Variants in LONRF1 observed in about 807,000 individuals in gnomAD.
LONRF1 encodes the protein LON peptidase N-terminal domain and ring finger 1.
LONRF1 carries 37 observed loss-of-function variants against 85.8 expected under a neutral mutation model. That is an observed-to-expected ratio of 0.43 (90% CI 0.33 to 0.57). LONRF1 has a LOEUF of 0.57. LONRF1 is among the 20% of genes least tolerant of loss of function. The probability of loss-of-function intolerance (pLI) is 0.04; values close to 1 mark genes in which losing one functional copy is unlikely to be tolerated. For synonymous variants in LONRF1, 517 were observed against 390.1 expected (o/e 1.33, Z -3.83); for missense variants, 1,036 against 978.0 (o/e 1.06, Z -0.79).
chr8:12,755,443 C>A lies in LONRF1; in HGVS notation c.-23G>T, dbSNP rs773745338. 2.3e-5 allele frequency: 25 copies of A among 1,109,200 alleles called. No homozygotes were observed. In the South Asian group the frequency reaches 8.6e-4, roughly 38 times the overall value. The allele number at this position is 1,109,200 out of a possible 1,614,324, so 68.7% of individuals were successfully genotyped here. A position where few individuals can be genotyped will look rare whatever the true frequency, so the allele number is the denominator to read the frequency against. ...CATGGCCCGCGGAGGGCTGCGCCGCCGCCGCCCGCCGCCACGGTCCCGGAG... is the reference window on the plus strand; with the variant it reads ...CATGGCCCGCGGAGGGCTGCGCCGCAGCCGCCCGCCGCCACGGTCCCGGAG... On this transcript the variant is annotated 5_prime_UTR_variant, in exon 1 of 12. Transcript: ENST00000398246.
chr8:12,730,176 G>A (rs192415818), intron 8 of LONRF1, among the ~76,000 whole-genome samples: 14 of 152,218 alleles, frequency 9.2e-5, no homozygotes, highest in African/African-American at 2.9e-4. Context: ...TCCATAAAAC[G>A]GAATACTATG....
intron 1 of LONRF1, among the ~76,000 whole-genome samples, chr8:12,751,688 C>T (rs888419734): frequency 2.6e-4 from 36 of 140,966 alleles, no homozygotes; most frequent in Non-Finnish European, 4.8e-4. Context: ...ACCTTACAAC[C>T]TTTTTTTTTT....
At chr8:12,734,984 T>C (rs1054608164) in intron 7 of LONRF1, among the ~76,000 whole-genome samples, 3 of 151,974 alleles carry the variant, frequency 2.0e-5, no homozygotes, top group African/African-American at 7.3e-5. Context: ...TTCCCCAGTA[T>C]AGTCATCACC....
Position 12,725,790 on chromosome 8 carries a change from G to C in LONRF1, c.2100C>G (p.Asp700Glu), listed in dbSNP as rs747112735. 1 of 1,613,836 alleles carries C rather than the reference G, an allele frequency of 6.2e-7. No homozygotes were observed. Among genetic ancestry groups the C allele is most frequent in the Non-Finnish European group, 8.5e-7 (1 of 1,179,764 alleles). The change falls in exon 11 of 12, where the codon GAC becomes GAG. Residue 700 changes from aspartate to glutamate, a missense_variant. Transcript: ENST00000398246. ...GCTGAAGAATTTGGCTTCGAAATCTGTCTCTTAAATTCTGAAACCAGCTGC... is the reference window on the plus strand; with the variant it reads ...GCTGAAGAATTTGGCTTCGAAATCTCTCTCTTAAATTCTGAAACCAGCTGC... ...QACSWFQNLR[D>E]RFRSQILQHF...
In LONRF1 at chr8:12,722,517, C is replaced by T. The variant is rs1211944939; in HGVS notation, c.*579G>A. On this transcript the variant is annotated 3_prime_UTR_variant, in exon 12 of 12. Coordinates refer to ENST00000398246, the MANE Select transcript of LONRF1 (RefSeq NM_152271.5). ...AAGAAACTGTGTCATAGTCAATGGT[C>T]AAGACAGTTCAGCAAGAGCAGTGTT... The T allele has an allele frequency of 1.3e-5, 2 of 152,768 alleles. No homozygotes were observed. The highest frequency in any genetic ancestry group is 4.8e-5 in the African/African-American group (2 of 41,454). 9.5% of individuals were successfully genotyped at this position (152,768 alleles called of 1,614,324 possible).
rs777073703 is a variant in LONRF1, at chr8:12,735,972, A to AG, written c.1452-573dup. Among the ~76,000 whole-genome samples the AG allele has an allele frequency of 2.0e-5, 3 of 152,292 alleles. No individual in the cohort carries two copies. The East Asian group carries it at 5.8e-4, about 29-fold the overall frequency. On this transcript the variant is annotated intron_variant, in intron 6 of 11. Transcript: ENST00000398246. ...ATTATTCAAACATTACAGAACAACTAGTTTTACTTATTTTCTGAAACATGA... is the reference window on the plus strand; with the variant it reads ...ATTATTCAAACATTACAGAACAACTAGGTTTTACTTATTTTCTGAAACATGA...
intron 7 of LONRF1, among the ~76,000 whole-genome samples, chr8:12,733,962 T>A (rs571465401): frequency 2.2e-4 from 34 of 152,316 alleles, no homozygotes; most frequent in Admixed American, 1.0e-3. Context: ...TTAGTATATA[T>A]TTTTCAATCT....
chr8:12,725,070 G>C (rs1798235580), intron 11 of LONRF1, among the ~76,000 whole-genome samples: 2 of 152,202 alleles, frequency 1.3e-5, no homozygotes, highest in South Asian at 2.1e-4. Context: ...TAGTGCTTTA[G>C]TAAGTCTATG....
chr8:12,753,661 T>C (rs1055441530), intron 1 of LONRF1: 1 of 152,214 alleles, frequency 6.6e-6, no homozygotes, highest in Admixed American at 6.5e-5. Flanking sequence ...ATCCCCCTGG[T>C]AGAGAACTAC....
intron 1 of LONRF1, 137 bp downstream of exon 1, chr8:12,754,563 A>G: frequency 1.0e-6 from 1 of 976,756 alleles, no homozygotes; most frequent in African/African-American, 1.7e-5. Context: ...CAGCACCCCG[A>G]GACCCGACAC....
At chr8:12,751,980 C>A (rs1458542823) in intron 1 of LONRF1, among the ~76,000 whole-genome samples, 1 of 152,118 alleles carries the variant, frequency 6.6e-6, no homozygotes, top group Non-Finnish European at 1.5e-5. Context: ...TATTTCAATT[C>A]AACAGAAACT....
At chr8:12,751,688 C>CTTTTTTT (rs74275298) in intron 1 of LONRF1, among the ~76,000 whole-genome samples, 2 of 140,966 alleles carry the variant, frequency 1.4e-5, no homozygotes. Flanking sequence ...ACCTTACAAC[C>CTTTTTTT]TTTTTTTTTT....
At position 12,723,800 on chromosome 8, in the gene LONRF1, A is replaced by G. The variant is rs142559510; in HGVS notation, c.2164-546T>C. On this transcript the variant is annotated intron_variant, in intron 11 of 11. Coordinates refer to ENST00000398246, the MANE Select transcript of LONRF1 (RefSeq NM_152271.5). Reference sequence around the variant, plus strand: ...ATTAAGAAATGTTAATTGAGATTTAAAATTTCCTCAAAGTATTATGGAACC... The same window carrying G: ...ATTAAGAAATGTTAATTGAGATTTAGAATTTCCTCAAAGTATTATGGAACC... Among the ~76,000 whole-genome samples, 36 of 152,382 alleles carry G rather than the reference A, an allele frequency of 2.4e-4. 1 individual carries two copies. Among genetic ancestry groups the G allele is most frequent in the Middle Eastern group, 3.4e-3 (1 of 294 alleles).
chr8:12,737,492 TA>T (rs1207863699), intron 4 of LONRF1: 1 of 374,586 alleles, frequency 2.7e-6, no homozygotes, highest in African/African-American at 2.1e-5. Context: ...ATAAGTAACC[TA>T]GAGATGATTT....
At chr8:12,747,195 A>G (rs1309557389) in intron 1 of LONRF1, among the ~76,000 whole-genome samples, 1 of 152,158 alleles carries the variant, frequency 6.6e-6, no homozygotes, top group Non-Finnish European at 1.5e-5. Context: ...AAAGATTTAA[A>G]TAAGACTCTG....
intron 1 of LONRF1, among the ~76,000 whole-genome samples, chr8:12,749,451 C>G (rs1799292025): frequency 1.3e-5 from 2 of 152,104 alleles, no homozygotes; most frequent in Admixed American, 6.5e-5. Context: ...TGAGAAATAC[C>G]TTTGGAAAGA....
At chr8:12,736,640 C>A in intron 6 of LONRF1, 61 bp downstream of exon 6, 5 of 1,100,508 alleles carry the variant, frequency 4.5e-6, no homozygotes, top group Non-Finnish European at 6.7e-6. Context: ...CCTTTATCTA[C>A]ACGGTATTTT....
At position 12,729,147 on chromosome 8, in the gene LONRF1, A is replaced by C. The variant is rs760726948; in HGVS notation, c.1847+27T>G. ...ATATTGAGAGGTCTAACATAAATAC[A>C]AATATTTAGGTTCACAAAAAGCATA... On this transcript the variant is annotated intron_variant, in intron 9 of 11. Coordinates refer to ENST00000398246, the MANE Select transcript of LONRF1 (RefSeq NM_152271.5). 4 of 1,612,382 alleles carry C rather than the reference A, an allele frequency of 2.5e-6. No individual in the cohort carries two copies. In the South Asian group the frequency reaches 4.4e-5, roughly 18 times the overall value.
At chr8:12,741,881 C>T (rs1340039265) in intron 2 of LONRF1, among the ~76,000 whole-genome samples, 5 of 136,290 alleles carry the variant, frequency 3.7e-5, no homozygotes, top group African/African-American at 5.6e-5. Context: ...TAGAGTCCTA[C>T]TAATTATCAC....
Sources: allele counts gnomAD v4.1 joint callset (sites outside exome capture counted in the v4.1 genomes callset), GRCh38; gene constraint gnomAD v4.1.1; transcripts MANE v1.5; gene names NCBI Gene and HGNC (gene_info 2026-07-23, HGNC 2026-07-21).